DAB1: variants seen among roughly 807,000 people sequenced by gnomAD.
DAB1 encodes the protein DAB adaptor protein 1.
A neutral mutation model predicts 64.6 loss-of-function variants in DAB1; 15 were observed. The observed-to-expected ratio is 0.23, with a 90% CI of 0.16 to 0.36. The LOEUF is 0.36. DAB1 is among the 10% of genes least tolerant of loss of function. DAB1 has a pLI of 1.00. For missense variants in DAB1, 596 were observed against 706.7 expected (o/e 0.84, Z 1.78); for synonymous variants, 235 against 251.9 (o/e 0.93, Z 0.64).
At chr1:58,350,217 C>A (rs1644038589) in intron 3 of DAB1, among the ~76,000 whole-genome samples, 1 of 152,252 alleles carries the variant, frequency 6.6e-6, no homozygotes, top group Admixed American at 6.5e-5. Context: ...TGATGATGAT[C>A]TTTTTTTCAC....
At chr1:58,499,695 A>C (rs1302954103) in intron 3 of DAB1, among the ~76,000 whole-genome samples, 1 of 152,290 alleles carries the variant, frequency 6.6e-6, no homozygotes, top group African/African-American at 2.4e-5. Flanking sequence ...TTAATATCTT[A>C]GTTGGTTTGA....
chr1:58,250,180 C>T (rs550576491), intron 4 of DAB1, among the ~76,000 whole-genome samples: 3 of 152,190 alleles, frequency 2.0e-5, no homozygotes, highest in Non-Finnish European at 4.4e-5. Flanking sequence ...CGCCCCTACC[C>T]CGGCGCGCCC....
chr1:57,486,103 T>A (rs977893068), intron 7 of DAB1, among the ~76,000 whole-genome samples: 1 of 152,222 alleles, frequency 6.6e-6, no homozygotes, highest in African/African-American at 2.4e-5. Flanking sequence ...ACAAAACAGA[T>A]AAATTAGGTT....
chr1:58,352,041 C>T (rs980259805), intron 3 of DAB1, among the ~76,000 whole-genome samples: 2 of 151,634 alleles, frequency 1.3e-5, no homozygotes, highest in Non-Finnish European at 1.5e-5. Context: ...TTTACTCCTC[C>T]GCCATGAAGC....
At chr1:57,068,707 C>A (rs1651164938) in intron 8 of DAB1, among the ~76,000 whole-genome samples, 1 of 152,178 alleles carries the variant, frequency 6.6e-6, no homozygotes, top group South Asian at 2.1e-4. Context: ...CAGAAGGAGG[C>A]AGAGCTTCGC....
chr1:58,452,854 CA>C (rs529427597), intron 3 of DAB1, among the ~76,000 whole-genome samples: 11 of 144,522 alleles, frequency 7.6e-5, no homozygotes, highest in Non-Finnish European at 1.1e-4. Context: ...AAAAACAAAA[CA>C]AAAAAAAAAC....
chr1:58,473,121 T>A (rs1213409048), intron 3 of DAB1, among the ~76,000 whole-genome samples: 1 of 152,156 alleles, frequency 6.6e-6, no homozygotes, highest in Non-Finnish European at 1.5e-5. Flanking sequence ...AGAGCCAACC[T>A]CCCAATGCTT....
intron 5 of DAB1, among the ~76,000 whole-genome samples, chr1:57,941,020 T>C (rs1645096686): frequency 1.3e-5 from 2 of 152,230 alleles, no homozygotes; most frequent in African/African-American, 4.8e-5. Flanking sequence ...TTATAGTGAA[T>C]GAAGGAAAAT....
chr1:57,900,506 A>T (rs1013073741), intron 5 of DAB1, among the ~76,000 whole-genome samples: 1 of 152,202 alleles, frequency 6.6e-6, no homozygotes, highest in Admixed American at 6.5e-5. Context: ...TGCAGCCCTG[A>T]TGGCTGACTA....
At chr1:57,244,289 A>G (rs1668708105) in intron 2 of DAB1, among the ~76,000 whole-genome samples, 1 of 152,238 alleles carries the variant, frequency 6.6e-6, no homozygotes, top group African/African-American at 2.4e-5. Flanking sequence ...TGTACTCCAA[A>G]CACCCAATAC....
chr1:58,143,317 G>GCACCCACTCAA (rs1654391114), intron 5 of DAB1, among the ~76,000 whole-genome samples: 1 of 152,098 alleles, frequency 6.6e-6, no homozygotes, highest in Non-Finnish European at 1.5e-5. Context: ...ACTCAATAAT[G>GCACCCACTCAA]GAGATGAGGG....
At chr1:57,832,362 CA>C (rs1308625694) in intron 1 of DAB1, among the ~76,000 whole-genome samples, 1 of 152,148 alleles carries the variant, frequency 6.6e-6, no homozygotes, top group Non-Finnish European at 1.5e-5. Flanking sequence ...ACTGGATAGC[CA>C]CTCTTGTCAC....
Position 57,014,929 on chromosome 1 carries a change from C to T in DAB1, c.1398G>A (p.Gln466=). Residue 466 remains glutamine, a synonymous_variant, in exon 12 of 15, where the codon CAG becomes CAA. Coordinates refer to ENST00000371236, the MANE Select transcript of DAB1 (RefSeq NM_001365792.1). ...TDDCDDFDIS[Q]LNLTPVTSTT... ...TAGAAGTCACAGGGGTCAAATTCAA[C>T]TGGGAGATGTCAAAGTCATCACAGT... 1.2e-6 allele frequency: 2 copies of T among 1,605,578 alleles called. No homozygotes were observed. The highest frequency in any genetic ancestry group is 1.7e-6 in the Non-Finnish European group (2 of 1,175,678).
intron 2 of DAB1, among the ~76,000 whole-genome samples, chr1:57,148,641 C>A (rs904202172): frequency 1.3e-5 from 2 of 152,138 alleles, no homozygotes; most frequent in Non-Finnish European, 2.9e-5. Context: ...AAGAGAAAGA[C>A]CACACGTTTA....
intron 2 of DAB1, among the ~76,000 whole-genome samples, chr1:57,244,599 A>T (rs1570031802): frequency 6.6e-6 from 1 of 152,174 alleles, no homozygotes; most frequent in Admixed American, 6.5e-5. Context: ...ATTACTCTTG[A>T]CCAATGTAAA....
intron 7 of DAB1, among the ~76,000 whole-genome samples, chr1:57,575,470 G>A (rs1229205143): frequency 5.3e-5 from 8 of 152,160 alleles, no homozygotes; most frequent in Admixed American, 5.2e-4. Context: ...GTCCCACATC[G>A]AAAAGTTGAA....
intron 5 of DAB1, among the ~76,000 whole-genome samples, chr1:57,956,062 T>A (rs1645385479): frequency 1.3e-5 from 2 of 152,250 alleles, no homozygotes; most frequent in East Asian, 3.9e-4. Context: ...TGAGCAGTAT[T>A]GATCAGGAAA....
chr1:57,029,672 G>T (rs760084310), intron 9 of DAB1, among the ~76,000 whole-genome samples: 51 of 152,138 alleles, frequency 3.4e-4, no homozygotes, highest in Non-Finnish European at 6.3e-4. Flanking sequence ...TGTGAGACCT[G>T]GTGTCAAACA....
At chr1:57,367,292 G>A (rs541363866) in intron 1 of DAB1, among the ~76,000 whole-genome samples, 40 of 151,720 alleles carry the variant, frequency 2.6e-4, no homozygotes, top group Middle Eastern at 6.8e-3. Context: ...ACAAAAAAAA[G>A]TCACACAAAA....
Sources: allele counts gnomAD v4.1 joint callset (sites outside exome capture counted in the v4.1 genomes callset), GRCh38; gene constraint gnomAD v4.1.1; transcripts MANE v1.5; gene names NCBI Gene and HGNC (gene_info 2026-07-23, HGNC 2026-07-21).